Variants in LUC7L2 observed in about 807,000 individuals in gnomAD.
LUC7L2 encodes putative RNA-binding protein Luc7-like 2.
A neutral mutation model predicts 52.8 loss-of-function variants in LUC7L2; 25 were observed. The ratio of observed to expected loss-of-function variants is 0.47; its 90% CI spans 0.34 to 0.66. The LOEUF (loss-of-function observed/expected upper bound fraction) is 0.66, where lower values mean the gene tolerates loss of function less well. LUC7L2 is among the 30% of genes least tolerant of loss of function. LUC7L2 has a pLI of 0.01. For synonymous variants in LUC7L2, 144 were observed against 160.9 expected, an observed-to-expected ratio of 0.89 and a Z score of 0.80; for missense variants, 328 against 497.8, an observed-to-expected ratio of 0.66 and a Z score of 3.25.
chr7:139,348,157 T>C (rs1799329611), intron 1 of LUC7L2, among the ~76,000 whole-genome samples: 2 of 151,222 alleles, frequency 1.3e-5, no homozygotes, highest in Admixed American at 1.3e-4. Flanking sequence ...TACAATAATA[T>C]GTACATTATA....
intron 3 of LUC7L2, 119 bp from the exon 4 acceptor site, chr7:139,402,018 G>T: frequency 9.3e-7 from 1 of 1,072,650 alleles, no homozygotes; most frequent in South Asian, 1.8e-5. Flanking sequence ...AATTACTGAC[G>T]TGAGCCACCG....
intron 8 of LUC7L2, 147 bp downstream of exon 8, chr7:139,412,727 C>G: frequency 2.1e-6 from 2 of 931,246 alleles, no homozygotes; most frequent in Non-Finnish European, 3.0e-6. Flanking sequence ...ACTCAAGAGG[C>G]TGAGGCAGAA....
At chr7:139,372,449 A>T (rs1054983860) in intron 1 of LUC7L2, among the ~76,000 whole-genome samples, 5 of 152,018 alleles carry the variant, frequency 3.3e-5, no homozygotes, top group African/African-American at 1.2e-4. Flanking sequence ...TCCAGGTTGT[A>T]GTGCTTTTTT....
chr7:139,419,370 A>C (rs968312919), intron 9 of LUC7L2, among the ~76,000 whole-genome samples: 4 of 152,240 alleles, frequency 2.6e-5, no homozygotes, highest in African/African-American at 7.2e-5. Flanking sequence ...TAGAGTGAAT[A>C]TCCTAGGCAA....
At position 139,348,791 on chromosome 7, in the gene LUC7L2, G is replaced by A. The variant is rs183327516; in HGVS notation, c.-26+8274G>A. 3.3e-5 allele frequency among the ~76,000 whole-genome samples: 5 copies of A among 152,238 alleles called. No individual in the cohort carries two copies. In the East Asian group the frequency reaches 7.7e-4, roughly 24 times the overall value. On this transcript the variant is annotated intron_variant, in intron 1 of 10. Coordinates refer to the LUC7L2 transcript ENST00000541170. ...ATTTGTGATCTTGGGCAGGTTAGTT[G>A]ACCTGTGCTTTTTCCTCCTTATATT...
intron 2 of LUC7L2, among the ~76,000 whole-genome samples, chr7:139,393,749 T>C (rs1041667207): frequency 5.3e-5 from 8 of 152,156 alleles, no homozygotes. Context: ...CCTGACCATG[T>C]TTTAAATTTT....
chr7:139,399,556 GCCT>G (rs1192616225), intron 3 of LUC7L2, among the ~76,000 whole-genome samples: 3 of 135,330 alleles, frequency 2.2e-5, no homozygotes, highest in African/African-American at 8.3e-5. Flanking sequence ...TGCAACCTCT[GCCT>G]CCCGGGTTCA....
chr7:139,347,037 G>A lies in LUC7L2; in HGVS notation c.-26+6520G>A, dbSNP rs373017368. Among the ~76,000 whole-genome samples the A allele has an allele frequency of 3.3e-5, 5 of 152,080 alleles. No homozygotes were observed. The South Asian group carries it at 1.0e-3, about 32-fold the overall frequency. On this transcript the variant is annotated intron_variant, in intron 1 of 10. Transcript: ENST00000541170. ...AAATAGTCTCCTAAAGGGTCTATTT[G>A]CTTCTTATATCCTTATTTCCTCAAA...
intron 9 of LUC7L2, among the ~76,000 whole-genome samples, chr7:139,420,179 T>A (rs1795825162): frequency 6.6e-6 from 1 of 152,228 alleles, no homozygotes; most frequent in South Asian, 2.1e-4. Flanking sequence ...GTCAGATTAC[T>A]TGGGTTCATT....
At chr7:139,422,044 G>C in intron 9 of LUC7L2, 119 bp from the exon 10 acceptor site, 1 of 1,422,904 alleles carries the variant, frequency 7.0e-7, no homozygotes, top group South Asian at 1.6e-5. Context: ...TGACTCCTCT[G>C]TCATGGGTAT....
At chr7:139,390,250 A>G in intron 2 of LUC7L2, among the ~76,000 whole-genome samples, 1 of 141,870 alleles carries the variant, frequency 7.0e-6, no homozygotes, top group East Asian at 2.0e-4. Flanking sequence ...TTTTTTTCTT[A>G]TTTTTTTTTT....
chr7:139,380,826 A>G (rs1472531160), intron 2 of LUC7L2, among the ~76,000 whole-genome samples: 1 of 152,228 alleles, frequency 6.6e-6, no homozygotes. Context: ...GAGGAAAGAT[A>G]AAGAAATTGA....
At chr7:139,374,477 T>C in intron 1 of LUC7L2, 1 of 1,550,818 alleles carries the variant, frequency 6.4e-7, no homozygotes, top group Non-Finnish European at 8.7e-7. Flanking sequence ...AAGCCGTGAG[T>C]TATCGCTAAC....
At position 139,422,175 on chromosome 7, in the gene LUC7L2, A is replaced by G; in HGVS notation, c.1014A>G (p.Glu338=). The change falls in exon 10 of 10, where the codon GAA becomes GAG. Residue 338 remains glutamate, a synonymous_variant. Coordinates refer to ENST00000354926, the MANE Select transcript of LUC7L2 (RefSeq NM_016019.5). ...RERSKRRSSK[E]RFRDQDLASC... ...TAATATTTTTCAGATCCTCAAAAGA[A>G]AGATTCAGAGACCAAGACTTAGCAT... The G allele has an allele frequency of 6.3e-7, 1 of 1,591,886 alleles. No homozygotes were observed. Among genetic ancestry groups the G allele is most frequent in the Non-Finnish European group, 8.5e-7 (1 of 1,174,398 alleles).
chr7:139,375,704 C>A, intron 1 of LUC7L2: 2 of 824,728 alleles, frequency 2.4e-6, no homozygotes, highest in Non-Finnish European at 3.0e-6. Context: ...AGTGGGTCTG[C>A]AAGTTGCTTA....
At chr7:139,369,579 C>T (rs6949963) in intron 1 of LUC7L2, among the ~76,000 whole-genome samples, 58,555 of 152,076 alleles carry the variant, frequency 0.39, 15,760 homozygotes, top group African/African-American at 0.77. Context: ...CATCACCATT[C>T]TGGTTAGCTT....
At chr7:139,382,654 A>G (rs992634719) in intron 2 of LUC7L2, among the ~76,000 whole-genome samples, 1 of 152,170 alleles carries the variant, frequency 6.6e-6, no homozygotes, top group Non-Finnish European at 1.5e-5. Flanking sequence ...AGGCCTCTCA[A>G]AGTGCTGGGA....
chr7:139,386,244 C>T (rs1410938991), intron 2 of LUC7L2, among the ~76,000 whole-genome samples: 1 of 152,008 alleles, frequency 6.6e-6, no homozygotes, highest in Non-Finnish European at 1.5e-5. Flanking sequence ...TCACGTAATC[C>T]ACCTGCCTTG....
chr7:139,398,806 T>A (rs1165922464), intron 3 of LUC7L2, 109 bp downstream of exon 3: 8 of 949,850 alleles, frequency 8.4e-6, no homozygotes, highest in Non-Finnish European at 1.5e-6. Flanking sequence ...ATCCTCTGGT[T>A]ATATGAAGGG....
Sources: allele counts gnomAD v4.1 joint callset (sites outside exome capture counted in the v4.1 genomes callset), GRCh38; gene constraint gnomAD v4.1.1; transcripts MANE v1.5; gene names NCBI Gene and HGNC (gene_info 2026-07-23, HGNC 2026-07-21).